The following RSC1A1 variants were observed in gnomAD, a reference collection of about 807,000 sequenced individuals.
RSC1A1 encodes regulatory solute carrier protein family 1 member 1.
In RSC1A1, 6 loss-of-function variants were observed where a neutral mutation model predicts 7.7. The observed-to-expected ratio is 0.78, with a 90% CI of 0.43 to 1.53. RSC1A1 has a LOEUF of 1.53. RSC1A1 is among the 40% of genes most tolerant of loss of function. The pLI, the probability that RSC1A1 is intolerant of heterozygous loss-of-function variation, is 0.01. For synonymous variants in RSC1A1, 250 were observed against 263.0 expected (o/e 0.95, Z 0.48); for missense variants, 729 against 726.3 (o/e 1.00, Z -0.04).
At position 15,661,443 on chromosome 1, in the gene RSC1A1, T is replaced by G. The variant is rs1211222851; in HGVS notation, c.1575T>G (p.Gly525=). 1 of 1,614,078 alleles carries G rather than the reference T, an allele frequency of 6.2e-7. No homozygotes were observed. Among genetic ancestry groups the G allele is most frequent in the Non-Finnish European group, 8.5e-7 (1 of 1,180,010 alleles). ...ATTTCATATTGGTTAAAGACTTAGG[T>G]CAGGGCATACAGAATTCAGTAACAG... is the stretch of plus-strand genomic sequence containing the variant. ...SSNFILVKDL[G]QGIQNSVTDR... Residue 525 remains glycine, a synonymous_variant, in exon 1 of 1, where the codon GGT becomes GGG. Transcript: ENST00000345034.
Position 15,661,055 on chromosome 1 carries a change from C to G in RSC1A1, c.1187C>G (p.Ser396Cys). The G allele has an allele frequency of 6.2e-7, 1 of 1,614,168 alleles. No individual in the cohort carries two copies. ...AEGQTSIKDLSERWTQNEHLT... is the reference protein window; with the variant it reads ...AEGQTSIKDLCERWTQNEHLT... ...GGCCAAACCAGTATTAAAGACCTTTCTGAAAGATGGACCCAAAATGAGCAT... is the reference window on the plus strand; with the variant it reads ...GGCCAAACCAGTATTAAAGACCTTTGTGAAAGATGGACCCAAAATGAGCAT... The change falls in exon 1 of 1, where the codon TCT becomes TGT. Residue 396 changes from serine (S) to cysteine (C), a missense_variant. Physicochemically the swap from Ser to Cys is moderately radical, Grantham distance 112 (BLOSUM62 -1). Coordinates refer to ENST00000345034, the MANE Select transcript of RSC1A1 (RefSeq NM_006511.3).
chr1:15,661,132 G>C lies in RSC1A1; in HGVS notation c.1264G>C (p.Val422Leu). The C allele has an allele frequency of 6.2e-7, 1 of 1,613,960 alleles. No individual in the cohort carries two copies. Residue 422 changes from valine to leucine, a missense_variant, in exon 1 of 1, where the codon GTA becomes CTA. Transcript: ENST00000345034. ...AGTCTCCTTTCATCAGGCCATATCT[G>C]TATCAGTGGAGACAGAAAAATTAAC... ...PQVSFHQAIS[V>L]SVETEKLTGT...
At position 15,660,843 on chromosome 1, in the gene RSC1A1, A is replaced by G. The variant is rs2148308254; in HGVS notation, c.975A>G (p.Glu325=). 1 of 1,614,190 alleles carries G rather than the reference A, an allele frequency of 6.2e-7. No individual in the cohort carries two copies. Among genetic ancestry groups the G allele is most frequent in the Non-Finnish European group, 8.5e-7 (1 of 1,180,024 alleles). ...TNVEIPGTNK[E]YGHYSSPSLC... is the part of the protein sequence containing the mutation. ...TTGAAATACCTGGAACAAATAAAGA[A>G]TATGGCCATTACTCCTCTCCAAGTC... is the stretch of plus-strand genomic sequence containing the variant. The change falls in exon 1 of 1, where the codon GAA becomes GAG. Residue 325 remains glutamate, a synonymous_variant. Coordinates refer to ENST00000345034, the MANE Select transcript of RSC1A1 (RefSeq NM_006511.3).
Position 15,659,722 on chromosome 1 carries a change from C to A in RSC1A1, c.-147C>A. On this transcript the variant is annotated 5_prime_UTR_variant, in exon 1 of 1. Transcript: ENST00000345034. ...TCATTTCTATTTGTGTAAGAGAAAC[C>A]CGAGTTTGAGGACCTTATTTTATTC... 3.7e-6 allele frequency: 4 copies of A among 1,079,678 alleles called. No homozygotes were observed. The highest frequency in any genetic ancestry group is 2.5e-6 in the Non-Finnish European group (2 of 797,310). The allele number at this position is 1,079,678 out of a possible 1,614,324, so 66.9% of individuals were successfully genotyped here. A position where few individuals can be genotyped will look rare whatever the true frequency, so the allele number is the denominator to read the frequency against.
In RSC1A1 at chr1:15,659,754, G is replaced by A; in HGVS notation, c.-115G>A. The A allele has an allele frequency of 7.1e-7, 1 of 1,399,738 alleles. No homozygotes were observed. Among genetic ancestry groups the A allele is most frequent in the Non-Finnish European group, 9.4e-7 (1 of 1,058,780 alleles). The allele number at this position is 1,399,738 out of a possible 1,614,324, so 86.7% of individuals were successfully genotyped here. On this transcript the variant is annotated 5_prime_UTR_variant, in exon 1 of 1. Transcript: ENST00000345034. The stretch of plus-strand genomic sequence containing the variant: ...TGAGGACCTTATTTTATTCTACGCT[G>A]TTTAGATTTGTATCCTCTGGTAATT...
chr1:15,659,894 G>C lies in RSC1A1; in HGVS notation c.26G>C (p.Gly9Ala). MSSLPTSD[G>A]FNHPARSSGQ... is the part of the protein sequence containing the mutation. The stretch of plus-strand genomic sequence containing the variant: ...ATGTCATCATTACCAACTTCAGATG[G>C]GTTTAACCATCCCGCCCGTTCTTCA... Residue 9 changes from glycine (G) to alanine (A), a missense_variant, in exon 1 of 1, where the codon GGG becomes GCG. Physicochemically the swap from Gly to Ala is moderately conservative, Grantham distance 60 (BLOSUM62 0). Transcript: ENST00000345034. 1.3e-6 allele frequency: 2 copies of C among 1,599,020 alleles called. No individual in the cohort carries two copies. Among genetic ancestry groups the C allele is most frequent in the Non-Finnish European group, 1.7e-6 (2 of 1,174,718 alleles).
chr1:15,660,541 G>T lies in RSC1A1; in HGVS notation c.673G>T (p.Val225Leu). Reference protein sequence around the residue: ...TMKGNGLPQNVDPPSAKKSIP... With the variant: ...TMKGNGLPQNLDPPSAKKSIP... ...GAAAGGAAATGGGCTCCCACAGAAT[G>T]TGGATCCTCCAAGTGCGAAGAAAAG... Residue 225 changes from valine (V) to leucine (L), a missense_variant, in exon 1 of 1, where the codon GTG (valine) becomes TTG (leucine). Coordinates refer to ENST00000345034, the MANE Select transcript of RSC1A1 (RefSeq NM_006511.3). 1.2e-6 allele frequency: 2 copies of T among 1,613,174 alleles called. No individual in the cohort carries two copies. The highest frequency in any genetic ancestry group is 8.5e-7 in the Non-Finnish European group (1 of 1,179,782).
chr1:15,660,244 C>A lies in RSC1A1; in HGVS notation c.376C>A (p.His126Asn). 1 of 1,614,162 alleles carries A rather than the reference C, an allele frequency of 6.2e-7. No homozygotes were observed. The highest frequency in any genetic ancestry group is 8.5e-7 in the Non-Finnish European group (1 of 1,180,030). Residue 126 changes from histidine (H) to asparagine (N), a missense_variant, in exon 1 of 1, where the codon CAT becomes AAT. Physicochemically the swap from His to Asn is moderately conservative, Grantham distance 68. Transcript: ENST00000345034. ...RSTQGLKFHL[H>N]TRQEASLSVT... Reference sequence around the variant, plus strand: ...CACCCAGGGCCTCAAATTTCATCTCCATACAAGACAGGAAGCTAGTTTATC... The same window carrying A: ...CACCCAGGGCCTCAAATTTCATCTCAATACAAGACAGGAAGCTAGTTTATC...
chr1:15,661,609 C>G lies in RSC1A1; in HGVS notation c.1741C>G (p.Leu581Val). The G allele has an allele frequency of 1.2e-6, 2 of 1,614,180 alleles. No homozygotes were observed. The stretch of plus-strand genomic sequence containing the variant: ...TCCTGCCACAGATATTGACCGCATT[C>G]TCCGTGCTGGCTTTACTTTGCAGGA... ...IFPATDIDRI[L>V]RAGFTLQEAL... Residue 581 changes from leucine (L) to valine (V), a missense_variant, in exon 1 of 1, where the codon CTC becomes GTC. Transcript: ENST00000345034.
chr1:15,661,598 T>C lies in RSC1A1; in HGVS notation c.1730T>C (p.Ile577Thr), dbSNP rs562590048. ...LPPLIFPATD[I>T]DRILRAGFTL... is the part of the protein sequence containing the mutation. ...CCATTGATTTTTCCTGCCACAGATA[T>C]TGACCGCATTCTCCGTGCTGGCTTT... Residue 577 changes from isoleucine to threonine, a missense_variant, in exon 1 of 1, where the codon ATT becomes ACT. By Grantham distance (89) the Ile-to-Thr change is moderately conservative (BLOSUM62 -1). Coordinates refer to ENST00000345034, the MANE Select transcript of RSC1A1 (RefSeq NM_006511.3). The C allele has an allele frequency of 1.2e-5, 20 of 1,614,174 alleles. No individual in the cohort carries two copies. Among genetic ancestry groups the C allele is most frequent in the East Asian group, 1.1e-4 (5 of 44,892 alleles).
the RSC1A1 span, chr1:15,660,406 C>T: frequency 6.2e-7 from 1 of 1,613,792 alleles, no homozygotes; most frequent in Non-Finnish European, 8.5e-7. Context: ...TGAGGTTGCA[C>T]AACAAAAAGC....
chr1:15,660,184 G>A lies in RSC1A1; in HGVS notation c.316G>A (p.Val106Ile), dbSNP rs1399153437. The change falls in exon 1 of 1, where the codon GTT becomes ATT. Residue 106 changes from valine to isoleucine, a missense_variant. Coordinates refer to ENST00000345034, the MANE Select transcript of RSC1A1 (RefSeq NM_006511.3). ...PMQNSSEEIT[V>I]AGNLEKSAER... ...GCAGAATTCATCCGAAGAAATAACT[G>A]TTGCAGGTAATCTGGAGAAATCTGC... is the stretch of plus-strand genomic sequence containing the variant. The A allele has an allele frequency of 8.1e-6, 13 of 1,614,096 alleles. No homozygotes were observed. The highest frequency in any genetic ancestry group is 1.1e-5 in the South Asian group (1 of 91,086).
the RSC1A1 span, chr1:15,660,643 GTTAC>G: frequency 1.9e-6 from 3 of 1,614,206 alleles, no homozygotes; most frequent in Non-Finnish European, 2.5e-6. Flanking sequence ...ACAGTCCCTA[GTTAC>G]TTTGCTTAAT....
At position 15,660,129 on chromosome 1, in the gene RSC1A1, T is replaced by C. The variant is rs773990698; in HGVS notation, c.261T>C (p.Ala87=). 2 of 1,614,200 alleles carry C rather than the reference T, an allele frequency of 1.2e-6. No individual in the cohort carries two copies. The highest frequency in any genetic ancestry group is 1.7e-6 in the Non-Finnish European group (2 of 1,180,038). The stretch of plus-strand genomic sequence containing the variant: ...ATCATGCTTCCTCAGCAGACCATGC[T>C]CCAACAGACCAGAGTCCAGCTATGC... ...LSDHASSADH[A]PTDQSPAMPM... Residue 87 remains alanine, a synonymous_variant, in exon 1 of 1, where the codon GCT becomes GCC. Transcript: ENST00000345034.
rs1557625738 is a variant in RSC1A1 at position 15,660,546 on chromosome 1, T to C, written c.678T>C (p.Asp226=). The change falls in exon 1 of 1, where the codon GAT becomes GAC. Residue 226 remains aspartate (D), a synonymous_variant. Coordinates refer to ENST00000345034, the MANE Select transcript of RSC1A1 (RefSeq NM_006511.3). ...MKGNGLPQNV[D]PPSAKKSIPS... ...GAAATGGGCTCCCACAGAATGTGGA[T>C]CCTCCAAGTGCGAAGAAAAGTATTC... The C allele has an allele frequency of 3.7e-6, 6 of 1,613,088 alleles. No homozygotes were observed. The highest frequency in any genetic ancestry group is 1.3e-5 in the African/African-American group (1 of 74,960).
rs1325937662 is a variant in RSC1A1 at position 15,660,346 on chromosome 1, A to C, written c.478A>C (p.Ser160Arg). The change falls in exon 1 of 1, where the codon AGT becomes CGT. Residue 160 changes from serine to arginine, a missense_variant. Ser to Arg is a moderately radical substitution (Grantham distance 110). Transcript: ENST00000345034. Reference protein sequence around the residue: ...KDWHPENQNLSQVSDPQQHEE... With the variant: ...KDWHPENQNLRQVSDPQQHEE... ...TTGGCATCCAGAAAATCAGAACCTG[A>C]GTCAAGTGAGTGACCCTCAGCAGCA... The C allele has an allele frequency of 6.2e-7, 1 of 1,614,174 alleles. No individual in the cohort carries two copies. Among genetic ancestry groups the C allele is most frequent in the Admixed American group, 1.7e-5 (1 of 60,026 alleles).
the RSC1A1 span, chr1:15,660,952 C>CT: frequency 6.2e-7 from 1 of 1,613,358 alleles, no homozygotes; most frequent in Non-Finnish European, 8.5e-7. Flanking sequence ...ACTTCATGAA[C>CT]TTTTGGTTGT....
In RSC1A1 at chr1:15,661,592, C is replaced by A. The variant is rs770261681; in HGVS notation, c.1724C>A (p.Thr575Lys). The A allele has an allele frequency of 6.2e-7, 1 of 1,614,156 alleles. No individual in the cohort carries two copies. Among genetic ancestry groups the A allele is most frequent in the Non-Finnish European group, 8.5e-7 (1 of 1,180,032 alleles). The change falls in exon 1 of 1, where the codon ACA becomes AAA. Residue 575 changes from threonine to lysine, a missense_variant. Physicochemically the swap from Thr to Lys is moderately conservative, Grantham distance 78. Coordinates refer to ENST00000345034, the MANE Select transcript of RSC1A1 (RefSeq NM_006511.3). ...AILPPLIFPA[T>K]DIDRILRAGF... ...CTTCCACCATTGATTTTTCCTGCCACAGATATTGACCGCATTCTCCGTGCT... is the reference window on the plus strand; with the variant it reads ...CTTCCACCATTGATTTTTCCTGCCAAAGATATTGACCGCATTCTCCGTGCT...
Position 15,659,799 on chromosome 1 carries a change from C to G in RSC1A1, c.-70C>G, listed in dbSNP as rs1490242113. ...GTAATTTAGTGGCATTAGTCACCTGCTAATTAATCTTTTTCCTTTCCCCTG... is the reference window on the plus strand; with the variant it reads ...GTAATTTAGTGGCATTAGTCACCTGGTAATTAATCTTTTTCCTTTCCCCTG... On this transcript the variant is annotated 5_prime_UTR_variant, in exon 1 of 1. Coordinates refer to ENST00000345034, the MANE Select transcript of RSC1A1 (RefSeq NM_006511.3). 6.8e-7 allele frequency: 1 copy of G among 1,478,542 alleles called. No individual in the cohort carries two copies. The highest frequency in any genetic ancestry group is 8.9e-7 in the Non-Finnish European group (1 of 1,122,424). 91.6% of individuals were successfully genotyped at this position (1,478,542 alleles called of 1,614,324 possible). A position where few individuals can be genotyped will look rare whatever the true frequency, so the allele number is the denominator to read the frequency against.
Sources: gnomAD v4.1 joint callset for allele counts on GRCh38, gnomAD v4.1.1 for gene constraint, MANE v1.5 for transcripts, NCBI Gene and HGNC (gene_info 2026-07-23, HGNC 2026-07-21) for gene names.